Variants in PHF21A observed in about 807,000 individuals in gnomAD.
PHF21A encodes PHD finger protein 21A.
Under a neutral mutation model 82.5 loss-of-function variants are expected in PHF21A, and 11 were observed. That is an observed-to-expected ratio of 0.13 (90% CI 0.08 to 0.22). PHF21A has a LOEUF of 0.22. PHF21A is among the 10% of genes least tolerant of loss of function. The probability of loss-of-function intolerance (pLI) is 1.00; values close to 1 mark genes in which losing one functional copy is unlikely to be tolerated. For missense variants in PHF21A, 579 were observed against 837.8 expected, an observed-to-expected ratio of 0.69 and a Z score of 3.81; for synonymous variants, 297 against 302.8, an observed-to-expected ratio of 0.98 and a Z score of 0.20.
chr11:45,940,651 TC>T (rs1245850118), intron 15 of PHF21A, among the ~76,000 whole-genome samples: 2 of 57,698 alleles, frequency 3.5e-5, no homozygotes, highest in Non-Finnish European at 8.0e-5. Context: ...TTTTCTTCCT[TC>T]ATTATTAAAA....
chr11:46,079,079 T>C lies in PHF21A; in HGVS notation c.87+55A>G, dbSNP rs2135077492. ...ATATTTAAGTATTTTATGGTGATTT[T>C]ATTTTAAATTATTTTTAAATTTAAC... On this transcript the variant is annotated intron_variant, in intron 5 of 18. Coordinates refer to ENST00000676320, the MANE Select transcript of PHF21A (RefSeq NM_001352027.3). The C allele has an allele frequency of 2.0e-5, 22 of 1,103,974 alleles. No individual in the cohort carries two copies. In the South Asian group the frequency reaches 3.1e-4, roughly 16 times the overall value. 68.4% of individuals were successfully genotyped at this position (1,103,974 alleles called of 1,614,324 possible).
chr11:45,939,950 TGGCTATTCTGCCAGAA>T (rs2090025053), intron 15 of PHF21A, among the ~76,000 whole-genome samples: 1 of 152,168 alleles, frequency 6.6e-6, no homozygotes, highest in South Asian at 2.1e-4. Flanking sequence ...GTGGATTTCC[TGGCTATTCTGCCAGAA>T]GGTCTAATAC....
At chr11:46,044,134 C>T (rs563162290) in intron 6 of PHF21A, among the ~76,000 whole-genome samples, 1 of 152,192 alleles carries the variant, frequency 6.6e-6, no homozygotes, top group Admixed American at 6.6e-5. Flanking sequence ...AACCTAAGCA[C>T]TACTGTTTAA....
intron 9 of PHF21A, among the ~76,000 whole-genome samples, chr11:45,967,067 G>A (rs927661350): frequency 2.6e-5 from 4 of 152,108 alleles, no homozygotes; most frequent in Non-Finnish European, 5.9e-5. Context: ...CACTGCTTAT[G>A]ATAAAAATGA....
intron 6 of PHF21A, among the ~76,000 whole-genome samples, chr11:46,008,686 T>C (rs1319624613): frequency 6.6e-6 from 1 of 152,204 alleles, no homozygotes; most frequent in African/African-American, 2.4e-5. Context: ...AGTATATTCA[T>C]TTATAAAATA....
intron 6 of PHF21A, among the ~76,000 whole-genome samples, chr11:46,058,768 T>C (rs1316791033): frequency 1.3e-5 from 2 of 152,164 alleles, no homozygotes; most frequent in South Asian, 4.1e-4. Flanking sequence ...AGCAGGCTTA[T>C]TACATTCTCT....
chr11:46,046,623 A>AT (rs1455171326), intron 6 of PHF21A, among the ~76,000 whole-genome samples: 2 of 152,188 alleles, frequency 1.3e-5, no homozygotes, highest in African/African-American at 4.8e-5. Flanking sequence ...TTTCCCTCAT[A>AT]TATCTTCTCT....
chr11:46,025,636 G>T (rs535954987), intron 6 of PHF21A, among the ~76,000 whole-genome samples: 31 of 152,210 alleles, frequency 2.0e-4, no homozygotes, highest in African/African-American at 6.7e-4. Context: ...CAATTTCAGG[G>T]TTACAGAAAA....
At chr11:46,014,614 T>G (rs2095476827) in intron 6 of PHF21A, among the ~76,000 whole-genome samples, 1 of 152,224 alleles carries the variant, frequency 6.6e-6, no homozygotes, top group Non-Finnish European at 1.5e-5. Context: ...TAATTTACAT[T>G]CCCACCAACA....
At chr11:46,031,830 G>T (rs2095872285) in intron 6 of PHF21A, among the ~76,000 whole-genome samples, 2 of 152,136 alleles carry the variant, frequency 1.3e-5, no homozygotes, top group South Asian at 4.1e-4. Context: ...GTACTCAGGG[G>T]TGACATTCAC....
chr11:45,966,115 C>T (rs1372011550), intron 9 of PHF21A, among the ~76,000 whole-genome samples: 1 of 152,100 alleles, frequency 6.6e-6, no homozygotes, highest in African/African-American at 2.4e-5. Flanking sequence ...CCCTGGCACC[C>T]CTTTTCTTCC....
intron 6 of PHF21A, among the ~76,000 whole-genome samples, chr11:46,057,246 G>GT (rs1350368192): frequency 3.3e-5 from 5 of 152,120 alleles, no homozygotes; most frequent in Admixed American, 3.3e-4. Context: ...CCCTATCAAT[G>GT]TACACTCAAC....
chr11:46,080,832 ATT>A (rs879870316), intron 4 of PHF21A, among the ~76,000 whole-genome samples: 2 of 141,420 alleles, frequency 1.4e-5, no homozygotes, highest in Non-Finnish European at 1.6e-5. Flanking sequence ...CATATCCAGC[ATT>A]TTTTTTTTTT....
In PHF21A at chr11:45,949,269, A is replaced by T; in HGVS notation, c.1227+133T>A. 3 of 763,498 alleles carry T rather than the reference A, an allele frequency of 3.9e-6. No individual in the cohort carries two copies. In the East Asian group the frequency reaches 7.4e-5, roughly 19 times the overall value. 47.3% of individuals were successfully genotyped at this position (763,498 alleles called of 1,614,324 possible). ...TAATAAAAATGATAAGTCAAAAAAA[A>T]TCTACCACTTCACAGAACTGGCCAA... On this transcript the variant is annotated intron_variant, in intron 13 of 18. Transcript: ENST00000676320.
At chr11:46,118,133 G>T (rs1436073154) in intron 1 of PHF21A, 2 of 150,026 alleles carry the variant, frequency 1.3e-5, no homozygotes, top group Non-Finnish European at 3.0e-5. Context: ...GAAAAAGGAT[G>T]GACCCTTCAA....
At chr11:45,937,449 T>C (rs2089352840) in intron 16 of PHF21A, among the ~76,000 whole-genome samples, 1 of 152,148 alleles carries the variant, frequency 6.6e-6, no homozygotes, top group Non-Finnish European at 1.5e-5. Context: ...TATAACAAAA[T>C]AGGTTAAAAG....
chr11:46,050,990 T>C (rs2096355518), intron 6 of PHF21A, among the ~76,000 whole-genome samples: 1 of 152,200 alleles, frequency 6.6e-6, no homozygotes, highest in Non-Finnish European at 1.5e-5. Context: ...AGTCTCCGAG[T>C]TCTCTGTGCC....
intron 6 of PHF21A, among the ~76,000 whole-genome samples, chr11:46,040,794 T>G (rs1183300503): frequency 6.6e-6 from 1 of 151,980 alleles, no homozygotes; most frequent in East Asian, 1.9e-4. Flanking sequence ...TTCTCATGAA[T>G]TGATTATTTA....
chr11:45,977,029 A>G (rs1445371349), intron 7 of PHF21A, among the ~76,000 whole-genome samples: 1 of 152,148 alleles, frequency 6.6e-6, no homozygotes, highest in Non-Finnish European at 1.5e-5. Context: ...GGTGCTATAC[A>G]ACACTGTTTT....
Sources: gnomAD v4.1 joint callset for allele counts (sites outside exome capture counted in the v4.1 genomes callset) on GRCh38, gnomAD v4.1.1 for gene constraint, MANE v1.5 for transcripts, NCBI Gene and HGNC (gene_info 2026-07-23, HGNC 2026-07-21) for gene names.